SPATA13: variants seen among roughly 807,000 people sequenced by gnomAD.
The protein encoded by SPATA13 is spermatogenesis associated 13.
In SPATA13, 50 loss-of-function variants were observed where a neutral mutation model predicts 104.0. That is an observed-to-expected ratio of 0.48 (90% confidence interval 0.38 to 0.61). The LOEUF (loss-of-function observed/expected upper bound fraction) is 0.61, where lower values mean the gene tolerates loss of function less well. Ranked by LOEUF, SPATA13 falls within the 20% of genes least tolerant of loss-of-function variation. The pLI is 0.00. For synonymous variants in SPATA13, 606 were observed against 667.5 expected, an observed-to-expected ratio of 0.91 and a Z score of 1.42; for missense variants, 1,524 against 1,690.6, an observed-to-expected ratio of 0.90 and a Z score of 1.73.
chr13:24,130,120 G>C (rs1881346039), intron 3 of SPATA13, among the ~76,000 whole-genome samples: 1 of 152,220 alleles, frequency 6.6e-6, no homozygotes, highest in Non-Finnish European at 1.5e-5. Context: ...CTCTTTTGCA[G>C]GGTCTGTCCT....
At chr13:24,019,081 A>T (rs111383213) in intron 3 of SPATA13, among the ~76,000 whole-genome samples, 1 of 133,682 alleles carries the variant, frequency 7.5e-6, no homozygotes, top group Non-Finnish European at 1.6e-5. Flanking sequence ...GATTCTTATT[A>T]TTATTATTAT....
chr13:24,206,353 C>T (rs531092271), intron 1 of SPATA13, among the ~76,000 whole-genome samples: 1 of 152,062 alleles, frequency 6.6e-6, no homozygotes, highest in Non-Finnish European at 1.5e-5. Flanking sequence ...AAATCAAAAC[C>T]AGAATGAGAT....
intron 3 of SPATA13, among the ~76,000 whole-genome samples, chr13:24,151,730 T>G (rs1453389663): frequency 1.3e-5 from 2 of 152,204 alleles, no homozygotes; most frequent in Non-Finnish European, 2.9e-5. Flanking sequence ...AATGGTAATA[T>G]TAGCAGTTCC....
chr13:24,171,553 A>C (rs952072033), intron 1 of SPATA13, among the ~76,000 whole-genome samples: 2 of 152,348 alleles, frequency 1.3e-5, no homozygotes, highest in East Asian at 1.9e-4. Context: ...TGATAATTAC[A>C]AATGGCCCAA....
intron 3 of SPATA13, 75 bp from the exon 4 acceptor site, chr13:24,251,643 C>T (rs1002302175): frequency 2.3e-5 from 36 of 1,572,382 alleles, no homozygotes; most frequent in African/African-American, 6.7e-5. Context: ...GAGGTGAGAG[C>T]GCTATGCGTG....
chr13:24,162,699 A>AATCCTCC (rs1158584699), intron 1 of SPATA13, among the ~76,000 whole-genome samples: 1 of 152,246 alleles, frequency 6.6e-6, no homozygotes, highest in African/African-American at 2.4e-5. Context: ...ACTCATTTAA[A>AATCCTCC]ATCCTCCACA....
intron 3 of SPATA13, among the ~76,000 whole-genome samples, chr13:24,032,923 G>A (rs557404369): frequency 6.6e-6 from 1 of 152,304 alleles, no homozygotes; most frequent in East Asian, 1.9e-4. Context: ...TGGGGCGTTT[G>A]ATAAAGTCCT....
chr13:24,081,710 T>TA (rs1479711231), intron 3 of SPATA13, among the ~76,000 whole-genome samples: 2 of 109,578 alleles, frequency 1.8e-5, no homozygotes, highest in East Asian at 2.8e-4. Flanking sequence ...AAGCATAAAT[T>TA]TAAAAAAAAT....
chr13:24,241,871 G>A (rs1249302026), intron 2 of SPATA13, among the ~76,000 whole-genome samples: 1 of 152,086 alleles, frequency 6.6e-6, no homozygotes, highest in African/African-American at 2.4e-5. Flanking sequence ...GAGCAACATA[G>A]TGAGACCCCT....
chr13:24,150,265 A>G (rs2138469719), intron 3 of SPATA13, among the ~76,000 whole-genome samples: 1 of 152,180 alleles, frequency 6.6e-6, no homozygotes. Flanking sequence ...GCACCAGTGC[A>G]CCCACCGCAT....
chr13:24,109,664 C>A (rs1322351525), intron 3 of SPATA13, among the ~76,000 whole-genome samples: 2 of 152,092 alleles, frequency 1.3e-5, no homozygotes, highest in East Asian at 3.9e-4. Flanking sequence ...AGAACTAGAA[C>A]CTACGGAAAC....
intron 3 of SPATA13, among the ~76,000 whole-genome samples, chr13:24,030,063 C>CAA (rs1329525591): frequency 5.3e-5 from 7 of 131,846 alleles, no homozygotes; most frequent in Non-Finnish European, 9.9e-5. Flanking sequence ...CACACACACA[C>CAA]ACGCACACAC....
intron 1 of SPATA13, among the ~76,000 whole-genome samples, chr13:24,216,628 A>T (rs1224292804): frequency 6.6e-6 from 1 of 152,228 alleles, no homozygotes; most frequent in Non-Finnish European, 1.5e-5. Context: ...TCAAAGGGTA[A>T]GGGGGCTTCT....
intron 2 of SPATA13, among the ~76,000 whole-genome samples, chr13:24,009,776 T>C (rs1876386640): frequency 6.6e-6 from 1 of 152,196 alleles, no homozygotes; most frequent in Non-Finnish European, 1.5e-5. Flanking sequence ...TTATCAGACT[T>C]AAGGTCTGTT....
At chr13:24,102,625 C>T (rs1880294085) in intron 3 of SPATA13, among the ~76,000 whole-genome samples, 1 of 152,012 alleles carries the variant, frequency 6.6e-6, no homozygotes, top group Non-Finnish European at 1.5e-5. Context: ...TAGGTGCCCA[C>T]CACTAAGCCT....
intron 7 of SPATA13, among the ~76,000 whole-genome samples, chr13:24,288,793 C>T (rs1350581568): frequency 2.0e-5 from 3 of 152,228 alleles, no homozygotes; most frequent in Non-Finnish European, 4.4e-5. Context: ...CTAAATCCAA[C>T]CGCATGAGCC....
At chr13:24,174,406 GA>G (rs1471750822) in intron 1 of SPATA13, among the ~76,000 whole-genome samples, 1 of 149,980 alleles carries the variant, frequency 6.7e-6, no homozygotes, top group Non-Finnish European at 1.5e-5. Context: ...CTAGATTTTT[GA>G]AGTGGGAGAT....
intron 2 of SPATA13, among the ~76,000 whole-genome samples, chr13:24,228,229 T>TCA (rs1390205393): frequency 6.7e-6 from 1 of 148,664 alleles, no homozygotes; most frequent in African/African-American, 2.5e-5. Context: ...TTCTCCTGCC[T>TCA]CAGCCTCCTG....
chr13:24,075,602 C>T (rs1479442775), intron 3 of SPATA13, among the ~76,000 whole-genome samples: 1 of 152,208 alleles, frequency 6.6e-6, no homozygotes, highest in African/African-American at 2.4e-5. Context: ...ACTGTTTCTA[C>T]TTCACAGAAC....
Sources: gnomAD v4.1 joint callset for allele counts (sites outside exome capture counted in the v4.1 genomes callset) on GRCh38, gnomAD v4.1.1 for gene constraint, MANE v1.5 for transcripts, NCBI Gene and HGNC (gene_info 2026-07-23, HGNC 2026-07-21) for gene names.